The following GADL1 variants were observed in gnomAD, a reference collection of about 807,000 sequenced individuals.
The protein encoded by GADL1 is GAD like acidic amino acid decarboxylase 1.
Under a neutral mutation model 69.5 loss-of-function variants are expected in GADL1, and 71 were observed. The observed-to-expected ratio is 1.02, with a 90% confidence interval of 0.84 to 1.25. GADL1 has a LOEUF of 1.25. Ranked by LOEUF, GADL1 falls within the 50% of genes most tolerant of loss-of-function variation. GADL1 has a pLI of 0.00. For missense variants in GADL1, 737 were observed against 631.8 expected, an observed-to-expected ratio of 1.17 and a Z score of -1.79; for synonymous variants, 254 against 214.4, an observed-to-expected ratio of 1.18 and a Z score of -1.62.
rs368666232 is a variant in GADL1, at chr3:30,728,408, G to A, written c.1400C>T (p.Pro467Leu). ...EFWAKLNLVA[P>L]AIKERMMKKG... ...CTTCATCATCCTCTCCTTAATGGCT[G>A]GGGCCACCTGTGTGGGGAGAAAAGG... The change falls in exon 15 of 15, where the codon CCA (proline) becomes CTA (leucine). Residue 467 changes from proline (P) to leucine (L), a missense_variant. Coordinates refer to ENST00000282538, the MANE Select transcript of GADL1 (RefSeq NM_207359.3). 171 of 1,613,278 alleles carry A rather than the reference G, an allele frequency of 1.1e-4. No homozygotes were observed. Among genetic ancestry groups the A allele is most frequent in the Non-Finnish European group, 1.3e-4 (159 of 1,179,632 alleles).
chr3:30,822,471 A>T (rs2125518244), intron 11 of GADL1, among the ~76,000 whole-genome samples: 2 of 152,134 alleles, frequency 1.3e-5, no homozygotes, highest in South Asian at 4.2e-4. Context: ...AAACCCAAGG[A>T]GCCTCTGTTT....
At chr3:30,779,796 T>G (rs1397663730) in intron 13 of GADL1, among the ~76,000 whole-genome samples, 2 of 152,212 alleles carry the variant, frequency 1.3e-5, no homozygotes, top group Non-Finnish European at 2.9e-5. Context: ...CTACCCTTTT[T>G]GAGTGTCCTA....
intron 1 of GADL1, among the ~76,000 whole-genome samples, chr3:30,890,493 C>T (rs944281727): frequency 7.9e-5 from 12 of 152,162 alleles, no homozygotes; most frequent in Non-Finnish European, 1.8e-4. Context: ...AATCTTGAAA[C>T]ATCTGTGGTG....
At chr3:30,805,146 A>T (rs1368597844) in intron 11 of GADL1, among the ~76,000 whole-genome samples, 2 of 152,222 alleles carry the variant, frequency 1.3e-5, no homozygotes, top group African/African-American at 4.8e-5. Flanking sequence ...CATATGTAAT[A>T]ACTCACTTAA....
chr3:30,831,343 A>G (rs754811725), intron 11 of GADL1, among the ~76,000 whole-genome samples: 2 of 151,934 alleles, frequency 1.3e-5, no homozygotes, highest in South Asian at 4.1e-4. Flanking sequence ...TCCTTTCTTA[A>G]AGAATTTTCA....
In GADL1 at chr3:30,801,768, G is replaced by A. The variant is rs559441269; in HGVS notation, c.1051-680C>T. 2.4e-4 allele frequency among the ~76,000 whole-genome samples: 37 copies of A among 152,168 alleles called. No individual in the cohort carries two copies. In the South Asian group the frequency reaches 5.2e-3, roughly 21 times the overall value. On this transcript the variant is annotated intron_variant, in intron 11 of 14. Coordinates refer to ENST00000282538, the MANE Select transcript of GADL1 (RefSeq NM_207359.3). ...ATCACGATTATAGGGCCTTTGCCTC[G>A]ACCTCAAATCATTAAAGTTGAAGCC...
chr3:30,891,385 C>T (rs1698785009), intron 1 of GADL1, among the ~76,000 whole-genome samples: 1 of 152,122 alleles, frequency 6.6e-6, no homozygotes, highest in Admixed American at 6.5e-5. Flanking sequence ...CCCCATCCTT[C>T]CCACTCAAAG....
At chr3:30,755,497 AC>A (rs1320061709) in intron 14 of GADL1, among the ~76,000 whole-genome samples, 11 of 152,244 alleles carry the variant, frequency 7.2e-5, no homozygotes, top group Non-Finnish European at 1.3e-4. Context: ...ATAAGTGAAG[AC>A]TTCTCCCCCT....
chr3:30,828,331 C>T (rs914015445), intron 11 of GADL1, among the ~76,000 whole-genome samples: 2 of 151,780 alleles, frequency 1.3e-5, no homozygotes, highest in African/African-American at 4.8e-5. Context: ...AAAATTCTGT[C>T]TTTTCCTGGT....
chr3:30,858,313 C>T (rs1698259848), intron 2 of GADL1, among the ~76,000 whole-genome samples: 1 of 151,902 alleles, frequency 6.6e-6, no homozygotes, highest in Non-Finnish European at 1.5e-5. Context: ...TCTAAGGAAG[C>T]CATTAAAATG....
At chr3:30,816,536 T>TGA (rs1559507840) in intron 11 of GADL1, among the ~76,000 whole-genome samples, 1 of 54,998 alleles carries the variant, frequency 1.8e-5, no homozygotes, top group African/African-American at 7.5e-5. Flanking sequence ...TTTTCTTTTT[T>TGA]TTTTTTTTTT....
intron 2 of GADL1, among the ~76,000 whole-genome samples, chr3:30,861,345 A>T (rs1698318435): frequency 6.6e-6 from 1 of 151,702 alleles, no homozygotes. Flanking sequence ...TCCTTATGTG[A>T]TTAAGCTCTA....
chr3:30,869,663 T>A (rs1271299250), intron 1 of GADL1, among the ~76,000 whole-genome samples: 1 of 151,744 alleles, frequency 6.6e-6, no homozygotes, highest in African/African-American at 2.4e-5. Context: ...AAGACGAGAA[T>A]TTTAATCATT....
chr3:30,797,727 C>G (rs1697073871), intron 12 of GADL1: 1 of 151,004 alleles, frequency 6.6e-6, no homozygotes, highest in Non-Finnish European at 1.5e-5. Context: ...TTTCCAGAGT[C>G]AGGCATCATC....
At chr3:30,734,832 G>T (rs1313029191) in intron 14 of GADL1, among the ~76,000 whole-genome samples, 1 of 152,072 alleles carries the variant, frequency 6.6e-6, no homozygotes, top group Non-Finnish European at 1.5e-5. Flanking sequence ...GCCATAAACT[G>T]CAGAAATTTT....
intron 14 of GADL1, among the ~76,000 whole-genome samples, chr3:30,740,843 CT>C (rs1695605571): frequency 6.7e-6 from 1 of 148,606 alleles, no homozygotes. Flanking sequence ...AAGTTATCTG[CT>C]TTTAACTTTG....
At chr3:30,835,284 G>A (rs951853929) in intron 9 of GADL1, among the ~76,000 whole-genome samples, 2 of 152,080 alleles carry the variant, frequency 1.3e-5, no homozygotes, top group African/African-American at 4.8e-5. Context: ...GGGTGACAGA[G>A]ATGCTTTAGG....
intron 4 of GADL1, among the ~76,000 whole-genome samples, chr3:30,854,104 G>T (rs2125533715): frequency 6.6e-6 from 1 of 152,202 alleles, no homozygotes; most frequent in African/African-American, 2.4e-5. Context: ...GCTGTGTCCT[G>T]CCACAGGGCC....
chr3:30,790,720 A>T (rs991008248), intron 12 of GADL1, among the ~76,000 whole-genome samples: 1 of 152,176 alleles, frequency 6.6e-6, no homozygotes, highest in East Asian at 1.9e-4. Flanking sequence ...ATCAATATCA[A>T]GGATAGATAT....
Sources: allele counts gnomAD v4.1 joint callset (sites outside exome capture counted in the v4.1 genomes callset), GRCh38; gene constraint gnomAD v4.1.1; transcripts MANE v1.5; gene names NCBI Gene and HGNC (gene_info 2026-07-23, HGNC 2026-07-21).